DHRS4: variants seen among roughly 807,000 people sequenced by gnomAD.
The protein encoded by DHRS4 is dehydrogenase/reductase 4.
A neutral mutation model predicts 28.4 loss-of-function variants in DHRS4; 20 were observed. The ratio of observed to expected loss-of-function variants is 0.71; its 90% CI spans 0.50 to 1.02. DHRS4 has a LOEUF of 1.02. DHRS4 is among the 50% of genes least tolerant of loss of function. DHRS4 has a pLI of 0.00. For missense variants in DHRS4, 378 were observed against 367.2 expected, an observed-to-expected ratio of 1.03 and a Z score of -0.24; for synonymous variants, 144 against 146.4, an observed-to-expected ratio of 0.98 and a Z score of 0.12.
rs749198716 is a variant in DHRS4 at position 23,967,228 on chromosome 14, A to G, written c.684A>G (p.Glu228=). ...TCCTGCAGCTCTGGATGGACAAGGA[A>G]AAAGAGGAAAGCATGAAAGAAACCC... ...SFSRMLWMDK[E]KEESMKETLR... The change falls in exon 7 of 8, where the codon GAA becomes GAG. Residue 228 remains glutamate, a synonymous_variant. Transcript: ENST00000313250. 1 of 1,613,150 alleles carries G rather than the reference A, an allele frequency of 6.2e-7. No individual in the cohort carries two copies.
In DHRS4 at chr14:23,966,274, T is replaced by C. The variant is rs1420577411; in HGVS notation, c.532-9T>C. On this transcript the variant is annotated splice_polypyrimidine_tract_variant and intron_variant, in intron 5 of 7. Coordinates refer to ENST00000313250, the MANE Select transcript of DHRS4 (RefSeq NM_021004.4). ...ACTATGAGTCTAACACATTCTCTTC[T>C]TTCTCCAGGGCTTCAGTCCTTACAA... 1.2e-6 allele frequency: 2 copies of C among 1,609,992 alleles called. No individual in the cohort carries two copies. Among genetic ancestry groups the C allele is most frequent in the African/African-American group, 2.7e-5 (2 of 74,614 alleles).
Position 23,955,198 on chromosome 14 carries a change from C to A in DHRS4, c.292C>A (p.Arg98=). 6.2e-7 allele frequency: 1 copy of A among 1,613,128 alleles called. No individual in the cohort carries two copies. Among genetic ancestry groups the A allele is most frequent in the Non-Finnish European group, 8.5e-7 (1 of 1,179,500 alleles). Residue 98 remains arginine (R), a synonymous_variant, in exon 2 of 8, where the codon CGG becomes AGG. Coordinates refer to ENST00000313250, the MANE Select transcript of DHRS4 (RefSeq NM_021004.4). ...TGTGGGGAAGGCGGAGGACCGGGAG[C>A]GGCTGGTGGCCACGGTGAGCTGCAG... The part of the protein sequence containing the change: ...CHVGKAEDRE[R]LVATAVKLHG...
intron 3 of DHRS4, 25 bp downstream of exon 3, chr14:23,960,028 G>A (rs773263608): frequency 2.3e-5 from 35 of 1,528,932 alleles, no homozygotes; most frequent in Non-Finnish European, 2.9e-5. Flanking sequence ...AAGCAGGGGG[G>A]CCGGGGGGGG....
chr14:23,965,415 G>T lies in DHRS4; in HGVS notation c.409-347G>T, dbSNP rs1200754454. On this transcript the variant is annotated intron_variant, in intron 3 of 7. Transcript: ENST00000313250. ...GGCAGGTAGTCTAGGGCAGGTCCAG[G>T]AGGCTGACAATTCCAGGCTCTACCT... Among the ~76,000 whole-genome samples the T allele has an allele frequency of 2.2e-5, 2 of 89,210 alleles. 1 individual carries two copies. Among genetic ancestry groups the T allele is most frequent in the Admixed American group, 2.1e-4 (2 of 9,572 alleles). The allele number at this position is 89,210 out of a possible 152,430, so 58.5% of individuals were successfully genotyped here.
chr14:23,964,220 T>TAAAAAAAAAAAAA (rs71119059), intron 3 of DHRS4, among the ~76,000 whole-genome samples: 3 of 34,502 alleles, frequency 8.7e-5, no homozygotes, highest in African/African-American at 9.3e-5. Context: ...CTGCAATTTG[T>TAAAAAAAAAAAAA]AAAAAAAAAA....
rs1442489370 is a variant in DHRS4, at chr14:23,954,176, A to G, written c.128+260A>G. On this transcript the variant is annotated intron_variant, in intron 1 of 7. Coordinates refer to ENST00000313250, the MANE Select transcript of DHRS4 (RefSeq NM_021004.4). ...GCAGCCCTATCGATCTAGTCTCCCCAGTGTTCTGGGCTGCCCCAGTCAACC... is the reference window on the plus strand; with the variant it reads ...GCAGCCCTATCGATCTAGTCTCCCCGGTGTTCTGGGCTGCCCCAGTCAACC... 4 of 493,440 alleles carry G rather than the reference A, an allele frequency of 8.1e-6. No individual in the cohort carries two copies. In the East Asian group the frequency reaches 1.4e-4, roughly 18 times the overall value. The allele number at this position is 493,440 out of a possible 1,614,324, so 30.6% of individuals were successfully genotyped here. A position where few individuals can be genotyped will look rare whatever the true frequency, so the allele number is the denominator to read the frequency against.
intron 7 of DHRS4, among the ~76,000 whole-genome samples, chr14:23,968,373 A>T (rs1309694368): frequency 6.6e-6 from 1 of 150,700 alleles, no homozygotes; most frequent in East Asian, 1.9e-4. Context: ...GAATCATTTT[A>T]AACACACCAT....
chr14:23,957,683 A>G (rs1322780487), intron 2 of DHRS4, among the ~76,000 whole-genome samples: 1 of 149,084 alleles, frequency 6.7e-6, no homozygotes, highest in Admixed American at 6.8e-5. Context: ...CAGCCTCCCA[A>G]GTGGCTAAAA....
chr14:23,959,223 G>C (rs183179706), intron 2 of DHRS4, among the ~76,000 whole-genome samples: 1 of 152,142 alleles, frequency 6.6e-6, no homozygotes, highest in African/African-American at 2.4e-5. Context: ...AGAAAAGAGC[G>C]TCAGAGACAG....
In DHRS4 at chr14:23,966,865, T is replaced by C. The variant is rs146694003; in HGVS notation, c.667-346T>C. Among the ~76,000 whole-genome samples, 1,063 of 151,608 alleles carry C rather than the reference T, an allele frequency of 7.0e-3. No individual in the cohort carries two copies. The East Asian group carries it at 0.11, about 16-fold the overall frequency. ...TTCTTCACTTTCCTCTTCTTAAACA[T>C]AAAGAGATTTCTGGGTGGGGTGGCT... On this transcript the variant is annotated intron_variant, in intron 6 of 7. Transcript: ENST00000313250.
At chr14:23,960,237 C>T (rs1402909862) in intron 3 of DHRS4, among the ~76,000 whole-genome samples, 13 of 152,144 alleles carry the variant, frequency 8.5e-5, no homozygotes, top group East Asian at 5.8e-4. Context: ...CTGCTCTTCA[C>T]TAGCCACAGT....
intron 7 of DHRS4, among the ~76,000 whole-genome samples, chr14:23,968,359 A>T (rs1371387644): frequency 6.6e-6 from 1 of 150,746 alleles, no homozygotes; most frequent in African/African-American, 2.5e-5. Flanking sequence ...AACCTGTACA[A>T]ATGGAATCAT....
chr14:23,966,339 G>A lies in DHRS4; in HGVS notation c.588G>A (p.Leu196=), dbSNP rs1321989049. ...KTALLGLTKT[L]AIELAPRNIR... ...CCTTGCTGGGCCTGACCAAGACCCT[G>A]GCCATAGAGCTGGCCCCAAGGAACA... The change falls in exon 6 of 8, where the codon CTG becomes CTA. Residue 196 remains leucine (L), a synonymous_variant. Transcript: ENST00000313250. 1 of 1,613,908 alleles carries A rather than the reference G, an allele frequency of 6.2e-7. No homozygotes were observed. The highest frequency in any genetic ancestry group is 2.2e-5 in the East Asian group (1 of 44,892).
At chr14:23,958,674 C>T (rs1425882217) in intron 2 of DHRS4, among the ~76,000 whole-genome samples, 1 of 152,180 alleles carries the variant, frequency 6.6e-6, no homozygotes. Flanking sequence ...TAAATTCAGG[C>T]TGGTATCTTC....
rs1335596776 is a variant in DHRS4, at chr14:23,964,905, AT to A, written c.409-850del. 7.4e-5 allele frequency among the ~76,000 whole-genome samples: 11 copies of A among 149,422 alleles called. No homozygotes were observed. The East Asian group carries it at 1.2e-3, about 16-fold the overall frequency. ...AGTTTGTTTTTTTTTTTTAATTTAC[AT>A]TTTTTTATTTTTGTTCTTTGTAATT... On this transcript the variant is annotated intron_variant, in intron 3 of 7. Transcript: ENST00000313250.
rs753447935 is a variant in DHRS4 at position 23,955,087 on chromosome 14, G to A, written c.181G>A (p.Val61Ile). 13 of 1,614,062 alleles carry A rather than the reference G, an allele frequency of 8.1e-6. No individual in the cohort carries two copies. The highest frequency in any genetic ancestry group is 1.6e-4 in the Middle Eastern group (1 of 6,084). ...RLAQDGAHVV[V>I]SSRKQQNVDQ... ...GGCCCAGGACGGGGCCCATGTGGTC[G>A]TCAGCAGCCGGAAGCAGCAGAATGT... The change falls in exon 2 of 8, where the codon GTC (valine) becomes ATC (isoleucine). Residue 61 changes from valine (V) to isoleucine (I), a missense_variant. Physicochemically the swap from Val to Ile is conservative, Grantham distance 29. Transcript: ENST00000313250.
At chr14:23,967,137 G>A in intron 6 of DHRS4, 74 bp from the exon 7 acceptor site, 1 of 1,539,984 alleles carries the variant, frequency 6.5e-7, no homozygotes, top group South Asian at 1.2e-5. Flanking sequence ...CTGGGCAAAA[G>A]AGCAAGACTC....
At chr14:23,963,555 G>A (rs932477190) in intron 3 of DHRS4, among the ~76,000 whole-genome samples, 4 of 148,920 alleles carry the variant, frequency 2.7e-5, no homozygotes, top group African/African-American at 7.6e-5. Flanking sequence ...AAAAATTAGG[G>A]CCTTTTACTG....
At chr14:23,964,253 A>C (rs1464442820) in intron 3 of DHRS4, among the ~76,000 whole-genome samples, 7 of 138,264 alleles carry the variant, frequency 5.1e-5, no homozygotes, top group East Asian at 2.2e-4. Flanking sequence ...AAAAAAAAAA[A>C]ACACAATATC....
Sources: allele counts gnomAD v4.1 joint callset (sites outside exome capture counted in the v4.1 genomes callset), GRCh38; gene constraint gnomAD v4.1.1; transcripts MANE v1.5; gene names NCBI Gene and HGNC (gene_info 2026-07-23, HGNC 2026-07-21).